Variants in NEK1 observed in about 807,000 individuals in gnomAD.
The protein encoded by NEK1 is serine/threonine-protein kinase Nek1.
NEK1 carries 137 observed loss-of-function variants against 182.1 expected under a neutral mutation model. The ratio of observed to expected loss-of-function variants is 0.75; its 90% CI spans 0.65 to 0.87. The LOEUF (loss-of-function observed/expected upper bound fraction) is 0.87, where lower values mean the gene tolerates loss of function less well. Ranked by LOEUF, NEK1 falls within the 40% of genes least tolerant of loss-of-function variation. The pLI, the probability that NEK1 is intolerant of heterozygous loss-of-function variation, is 0.00. For synonymous variants in NEK1, 513 were observed against 492.2 expected, an observed-to-expected ratio of 1.04 and a Z score of -0.56; for missense variants, 1,391 against 1,494.4, an observed-to-expected ratio of 0.93 and a Z score of 1.14.
intron 12 of NEK1, among the ~76,000 whole-genome samples, chr4:169,568,589 TTATC>T (rs1184194667): frequency 1.3e-5 from 2 of 151,896 alleles, no homozygotes; most frequent in Non-Finnish European, 2.9e-5. Flanking sequence ...GAACACAAAA[TTATC>T]TATAAACTTT....
In NEK1 at chr4:169,396,861, A is replaced by C. The variant is rs546877529; in HGVS notation, c.3848-2338T>G. Among the ~76,000 whole-genome samples the C allele has an allele frequency of 6.6e-5, 10 of 152,268 alleles. No individual in the cohort carries two copies. The East Asian group carries it at 1.9e-3, about 29-fold the overall frequency. On this transcript the variant is annotated intron_variant, in intron 35 of 35. Coordinates refer to ENST00000507142, the MANE Select transcript of NEK1 (RefSeq NM_001199397.3). ...CCCAACACAGAAAATAAAAGTGTGT[A>C]AGTACCATATGTAGATGACATGGCT...
intron 5 of NEK1, among the ~76,000 whole-genome samples, chr4:169,598,141 C>G (rs974729083): frequency 3.3e-5 from 5 of 151,994 alleles, no homozygotes; most frequent in Non-Finnish European, 5.9e-5. Flanking sequence ...TTTTATAATT[C>G]AAGTGTGTGA....
At chr4:169,491,367 G>A (rs533332534) in intron 23 of NEK1, among the ~76,000 whole-genome samples, 1 of 152,120 alleles carries the variant, frequency 6.6e-6, no homozygotes, top group African/African-American at 2.4e-5. Context: ...AGAGGGAGAA[G>A]AGCATCAAGC....
chr4:169,446,452 A>G (rs1740587087), intron 27 of NEK1, among the ~76,000 whole-genome samples: 1 of 152,142 alleles, frequency 6.6e-6, no homozygotes, highest in African/African-American at 2.4e-5. Flanking sequence ...GCACACAGAC[A>G]ACCTCCCAAA....
chr4:169,596,769 G>A (rs1337622504), intron 5 of NEK1, among the ~76,000 whole-genome samples: 1 of 152,200 alleles, frequency 6.6e-6, no homozygotes, highest in Non-Finnish European at 1.5e-5. Context: ...AGCCCAGAAA[G>A]TAGTTTAAAT....
chr4:169,441,588 C>T (rs1739469400), intron 27 of NEK1, among the ~76,000 whole-genome samples: 1 of 152,238 alleles, frequency 6.6e-6, no homozygotes, highest in African/African-American at 2.4e-5. Flanking sequence ...TGCCTGACAG[C>T]ACCATCACAG....
intron 27 of NEK1, among the ~76,000 whole-genome samples, chr4:169,443,280 C>T (rs1739870177): frequency 6.6e-6 from 1 of 151,886 alleles, no homozygotes; most frequent in South Asian, 2.1e-4. Context: ...CACAGCACTG[C>T]CACTGCACTC....
intron 26 of NEK1, among the ~76,000 whole-genome samples, chr4:169,463,749 T>C (rs935878507): frequency 2.0e-5 from 3 of 152,154 alleles, no homozygotes; most frequent in Non-Finnish European, 4.4e-5. Context: ...AATATGTGCA[T>C]ATACATAACG....
At chr4:169,566,803 A>T (rs775440178) in intron 12 of NEK1, among the ~76,000 whole-genome samples, 4 of 151,604 alleles carry the variant, frequency 2.6e-5, no homozygotes, top group Non-Finnish European at 4.4e-5. Flanking sequence ...AAAATGAGAT[A>T]AAAAAAAATC....
intron 31 of NEK1, among the ~76,000 whole-genome samples, chr4:169,409,063 G>T (rs1162503600): frequency 6.6e-6 from 1 of 152,130 alleles, no homozygotes; most frequent in African/African-American, 2.4e-5. Context: ...GTTCCATAGT[G>T]GTTGTACTAA....
At chr4:169,452,029 T>C (rs966998626) in intron 27 of NEK1, among the ~76,000 whole-genome samples, 2 of 152,060 alleles carry the variant, frequency 1.3e-5, no homozygotes, top group Admixed American at 1.3e-4. Context: ...AACTAGAAAA[T>C]ACAGAAGAAA....
chr4:169,451,036 A>C (rs1476842978), intron 27 of NEK1, among the ~76,000 whole-genome samples: 3 of 152,246 alleles, frequency 2.0e-5, no homozygotes, highest in Non-Finnish European at 2.9e-5. Flanking sequence ...AAAGAGACAA[A>C]GAAGGCCATT....
chr4:169,589,442 GT>G lies in NEK1; in HGVS notation c.464+4del. On this transcript the variant is annotated splice_donor_region_variant and intron_variant, in intron 7 of 35. Transcript: ENST00000507142. The stretch of plus-strand genomic sequence containing the variant: ...TATCAAAACAAAGTTTAAAATTCAT[GT>G]TACCTATTAAGAACTCTAGCAATTC... The G allele has an allele frequency of 6.9e-7, 1 of 1,448,136 alleles. No homozygotes were observed. Among genetic ancestry groups the G allele is most frequent in the Non-Finnish European group, 9.4e-7 (1 of 1,063,786 alleles). 89.7% of individuals were successfully genotyped at this position (1,448,136 alleles called of 1,614,324 possible).
chr4:169,514,172 G>C (rs1332835849), intron 19 of NEK1, among the ~76,000 whole-genome samples: 1 of 151,984 alleles, frequency 6.6e-6, no homozygotes, highest in Non-Finnish European at 1.5e-5. Flanking sequence ...ATTATTAGTA[G>C]AGACAGGGTT....
chr4:169,569,123 CAA>C (rs1285245153), intron 12 of NEK1, among the ~76,000 whole-genome samples: 2 of 151,992 alleles, frequency 1.3e-5, no homozygotes, highest in Admixed American at 1.3e-4. Flanking sequence ...AATTACAGAT[CAA>C]AGTTATACTA....
chr4:169,437,985 C>A, intron 28 of NEK1, 98 bp downstream of exon 28: 1 of 908,544 alleles, frequency 1.1e-6, no homozygotes. Flanking sequence ...AGATAATTAC[C>A]CAAACATATA....
chr4:169,422,508 G>A (rs1386790988), intron 31 of NEK1, among the ~76,000 whole-genome samples: 2 of 152,158 alleles, frequency 1.3e-5, no homozygotes, highest in African/African-American at 4.8e-5. Flanking sequence ...AATCCCACCA[G>A]TAGTATAACT....
chr4:169,398,681 C>T (rs1300775929), intron 35 of NEK1, among the ~76,000 whole-genome samples: 1 of 152,050 alleles, frequency 6.6e-6, no homozygotes, highest in East Asian at 1.9e-4. Flanking sequence ...TTGTTGACTT[C>T]CCCAAACTTT....
At chr4:169,495,448 T>C (rs1200823819) in intron 23 of NEK1, among the ~76,000 whole-genome samples, 1 of 152,050 alleles carries the variant, frequency 6.6e-6, no homozygotes, top group African/African-American at 2.4e-5. Flanking sequence ...TTCACCGTGT[T>C]AGCCAGGATG....
Sources: gnomAD v4.1 joint callset for allele counts (sites outside exome capture counted in the v4.1 genomes callset) on GRCh38, gnomAD v4.1.1 for gene constraint, MANE v1.5 for transcripts, NCBI Gene and HGNC (gene_info 2026-07-23, HGNC 2026-07-21) for gene names.